CAMK4: variants seen among roughly 807,000 people sequenced by gnomAD.
The protein encoded by CAMK4 is calcium/calmodulin dependent protein kinase IV, also known as calcium/calmodulin-dependent protein kinase type IV.
Under a neutral mutation model 44.9 loss-of-function variants are expected in CAMK4, and 22 were observed. The ratio of observed to expected loss-of-function variants is 0.49; its 90% confidence interval spans 0.35 to 0.70. The LOEUF is 0.70. CAMK4 is among the 30% of genes least tolerant of loss of function. The probability of loss-of-function intolerance (pLI) is 0.01; values close to 1 mark genes in which losing one functional copy is unlikely to be tolerated. For synonymous variants in CAMK4, 218 were observed against 215.4 expected (o/e 1.01, Z -0.11); for missense variants, 498 against 586.8 (o/e 0.85, Z 1.56).
At chr5:111,389,084 G>A (rs914500865) in intron 4 of CAMK4, among the ~76,000 whole-genome samples, 2 of 152,150 alleles carry the variant, frequency 1.3e-5, no homozygotes, top group African/African-American at 4.8e-5. Flanking sequence ...ATTTCTCATG[G>A]TTCTGGAGGC....
intron 1 of CAMK4, among the ~76,000 whole-genome samples, chr5:111,300,148 T>G (rs1747659642): frequency 6.6e-6 from 1 of 152,252 alleles, no homozygotes; most frequent in Non-Finnish European, 1.5e-5. Context: ...GTGATGAAGT[T>G]AATTGAAATC....
At chr5:111,452,835 A>G (rs887277038) in intron 7 of CAMK4, among the ~76,000 whole-genome samples, 1 of 152,200 alleles carries the variant, frequency 6.6e-6, no homozygotes, top group African/African-American at 2.4e-5. Flanking sequence ...GTGGCTTATC[A>G]GGAAAAAGTA....
At chr5:111,345,705 T>C (rs1224188315) in intron 2 of CAMK4, among the ~76,000 whole-genome samples, 1 of 151,938 alleles carries the variant, frequency 6.6e-6, no homozygotes, top group Non-Finnish European at 1.5e-5. Context: ...GGCAACAGGC[T>C]GGTTTAAAGG....
intron 1 of CAMK4, among the ~76,000 whole-genome samples, chr5:111,273,772 TATACACACACATAC>T (rs1245043333): frequency 6.9e-6 from 1 of 145,668 alleles, no homozygotes; most frequent in Middle Eastern, 3.2e-3. Flanking sequence ...CACACACATA[TATACACACACATAC>T]ATATATATGT....
chr5:111,372,453 T>G (rs1751045731), intron 2 of CAMK4, among the ~76,000 whole-genome samples: 1 of 152,120 alleles, frequency 6.6e-6, no homozygotes, highest in African/African-American at 2.4e-5. Flanking sequence ...AGCATCTCTC[T>G]TATCTTAGAA....
intron 7 of CAMK4, among the ~76,000 whole-genome samples, chr5:111,473,058 A>G (rs1439008376): frequency 6.6e-6 from 1 of 152,180 alleles, no homozygotes; most frequent in African/African-American, 2.4e-5. Flanking sequence ...TTTGAGCAGT[A>G]TCATGATATT....
At chr5:111,270,443 C>G (rs2288397) in intron 1 of CAMK4, among the ~76,000 whole-genome samples, 1 of 151,994 alleles carries the variant, frequency 6.6e-6, no homozygotes, top group Non-Finnish European at 1.5e-5. Context: ...CTCCCTTGTC[C>G]CTGGTGACTT....
chr5:111,400,830 A>T (rs1254311344), intron 5 of CAMK4, among the ~76,000 whole-genome samples: 1 of 152,172 alleles, frequency 6.6e-6, no homozygotes, highest in African/African-American at 2.4e-5. Flanking sequence ...TGGAAGGGTC[A>T]TCCTGTAGTA....
At chr5:111,378,342 T>A (rs1389118495) in intron 4 of CAMK4, among the ~76,000 whole-genome samples, 1 of 152,128 alleles carries the variant, frequency 6.6e-6, no homozygotes, top group Non-Finnish European at 1.5e-5. Flanking sequence ...ATGCTATTTT[T>A]AAATAGCAGC....
rs561774592 is a variant in CAMK4, at chr5:111,491,073, A to G, written c.*6607A>G. Reference sequence around the variant, plus strand: ...TCATTTTATCTCTCGTCTTTGAGATACACACATTAAAACTTATGTGCATAT... The same window carrying G: ...TCATTTTATCTCTCGTCTTTGAGATGCACACATTAAAACTTATGTGCATAT... On this transcript the variant is annotated 3_prime_UTR_variant, in exon 11 of 11. Coordinates refer to ENST00000282356, the MANE Select transcript of CAMK4 (RefSeq NM_001744.6). The G allele has an allele frequency of 1.3e-5, 2 of 152,354 alleles. No individual in the cohort carries two copies. The highest frequency in any genetic ancestry group is 4.8e-5 in the African/African-American group (2 of 41,582). 9.4% of individuals were successfully genotyped at this position (152,354 alleles called of 1,614,324 possible). A position where few individuals can be genotyped will look rare whatever the true frequency, so the allele number is the denominator to read the frequency against.
At chr5:111,374,632 G>C (rs56217904) in intron 2 of CAMK4, among the ~76,000 whole-genome samples, 6,169 of 152,236 alleles carry the variant, frequency 0.041, 179 homozygotes, top group Middle Eastern at 0.071. Flanking sequence ...AGTCTGACAA[G>C]TTGTGATGCA....
intron 1 of CAMK4, among the ~76,000 whole-genome samples, chr5:111,318,749 A>G (rs114538054): frequency 8.5e-5 from 13 of 152,182 alleles, no homozygotes; most frequent in African/African-American, 2.9e-4. Context: ...ACTCCTGGAA[A>G]CAAATACAAA....
intron 4 of CAMK4, among the ~76,000 whole-genome samples, chr5:111,380,982 G>A (rs886343866): frequency 5.3e-5 from 8 of 152,036 alleles, no homozygotes; most frequent in Non-Finnish European, 1.0e-4. Context: ...ATTATACCAG[G>A]GCTATTCTTA....
At chr5:111,420,369 A>C (rs1010416728) in intron 5 of CAMK4, among the ~76,000 whole-genome samples, 1 of 152,068 alleles carries the variant, frequency 6.6e-6, no homozygotes, top group Non-Finnish European at 1.5e-5. Flanking sequence ...TAGATATACA[A>C]TCATGTCATC....
intron 2 of CAMK4, among the ~76,000 whole-genome samples, chr5:111,355,575 A>G (rs1002756495): frequency 6.6e-6 from 1 of 150,664 alleles, no homozygotes; most frequent in African/African-American, 2.4e-5. Context: ...ATATGTATAC[A>G]TGTGCCATGC....
intron 1 of CAMK4, among the ~76,000 whole-genome samples, chr5:111,310,108 C>T (rs995911899): frequency 6.6e-6 from 1 of 152,156 alleles, no homozygotes; most frequent in Non-Finnish European, 1.5e-5. Flanking sequence ...GCTAACAAGG[C>T]ATATTCAACC....
intron 2 of CAMK4, among the ~76,000 whole-genome samples, chr5:111,356,884 G>A (rs1750381014): frequency 6.6e-6 from 1 of 151,916 alleles, no homozygotes. Context: ...TAGATATTTT[G>A]TTGCCTTTTA....
Position 111,344,024 on chromosome 5 carries a change from G to C in CAMK4, c.162G>C (p.Arg54=). 6.3e-7 allele frequency: 1 copy of C among 1,582,616 alleles called. No homozygotes were observed. Among genetic ancestry groups the C allele is most frequent in the Non-Finnish European group, 8.7e-7 (1 of 1,155,836 alleles). ...DFFEVESELG[R]GATSIVYRCK... is the part of the protein sequence containing the mutation. ...TCTTTTTGTCTTTTTCCCCCTCAAG[G>C]GGTGCTACATCCATTGTGTACAGAT... The change falls in exon 2 of 11, where the codon CGG becomes CGC. Residue 54 remains arginine, a splice_region_variant and synonymous_variant. Coordinates refer to ENST00000282356, the MANE Select transcript of CAMK4 (RefSeq NM_001744.6).
chr5:111,289,961 T>C (rs555760378), intron 1 of CAMK4, among the ~76,000 whole-genome samples: 2 of 152,306 alleles, frequency 1.3e-5, no homozygotes, highest in South Asian at 4.1e-4. Context: ...CTGGTGGAAG[T>C]AGTATCTCCC....
Sources: gnomAD v4.1 joint callset for allele counts (sites outside exome capture counted in the v4.1 genomes callset) on GRCh38, gnomAD v4.1.1 for gene constraint, MANE v1.5 for transcripts, NCBI Gene and HGNC (gene_info 2026-07-23, HGNC 2026-07-21) for gene names.